The following PRKCH variants were observed in gnomAD, a reference collection of about 807,000 sequenced individuals.
PRKCH encodes the protein protein kinase C eta.
In PRKCH, 28 loss-of-function variants were observed where a neutral mutation model predicts 82.5. The ratio of observed to expected loss-of-function variants is 0.34; its 90% confidence interval spans 0.25 to 0.47. The LOEUF is 0.47. Among genes scored for constraint, PRKCH ranks in the 20% least tolerant of loss-of-function variants. The probability of loss-of-function intolerance (pLI) is 1.00; values close to 1 mark genes in which losing one functional copy is unlikely to be tolerated. For missense variants in PRKCH, 705 were observed against 881.8 expected, an observed-to-expected ratio of 0.80 and a Z score of 2.54; for synonymous variants, 322 against 327.4, an observed-to-expected ratio of 0.98 and a Z score of 0.18.
intron 1 of PRKCH, among the ~76,000 whole-genome samples, chr14:61,329,535 A>G (rs962028469): frequency 6.6e-6 from 1 of 152,156 alleles, no homozygotes; most frequent in Non-Finnish European, 1.5e-5. Flanking sequence ...GCACCCAGCC[A>G]AAGTCCAGAG....
At chr14:61,490,935 CA>C (rs905379479) in intron 10 of PRKCH, among the ~76,000 whole-genome samples, 2 of 150,584 alleles carry the variant, frequency 1.3e-5, no homozygotes, top group South Asian at 2.1e-4. Context: ...CAAAAACAAA[CA>C]AAAAAAAATG....
rs572925761 is a variant in PRKCH at position 61,332,968 on chromosome 14, A to G, written c.363+10504A>G. Among the ~76,000 whole-genome samples the G allele has an allele frequency of 3.9e-5, 6 of 152,322 alleles. No homozygotes were observed. In the South Asian group the frequency reaches 1.0e-3, roughly 26 times the overall value. ...GTTCTGGTAATGGTTCCGTTGGACA[A>G]TGGAAATTCTGCTCCCTTCTGAAAT... On this transcript the variant is annotated intron_variant, in intron 1 of 13. Coordinates refer to ENST00000332981, the MANE Select transcript of PRKCH (RefSeq NM_006255.5).
chr14:61,331,113 T>C (rs2045780399), intron 1 of PRKCH, among the ~76,000 whole-genome samples: 1 of 152,202 alleles, frequency 6.6e-6, no homozygotes, highest in African/African-American at 2.4e-5. Context: ...ATACATTTAA[T>C]ATGTATTAAT....
chr14:61,219,932 G>T (rs1341139245), intron 1 of PRKCH, among the ~76,000 whole-genome samples: 4 of 152,222 alleles, frequency 2.6e-5, no homozygotes, highest in Non-Finnish European at 5.9e-5. Context: ...GATGAATTTA[G>T]TATGTAAGAC....
rs182376309 is a variant in PRKCH at position 61,437,469 on chromosome 14, A to T, written c.428-5642A>T. On this transcript the variant is annotated intron_variant, in intron 2 of 13. Coordinates refer to ENST00000332981, the MANE Select transcript of PRKCH (RefSeq NM_006255.5). ...TCCCACGTGTACAAATGATAAAACA[A>T]ATTATCTCAGGAAGAAGAAAAAAGA... 1.4e-3 allele frequency among the ~76,000 whole-genome samples: 220 copies of T among 152,332 alleles called. 1 individual carries two copies. Among genetic ancestry groups the T allele is most frequent in the Middle Eastern group, 6.8e-3 (2 of 294 alleles).
At chr14:61,281,231 C>G (rs1050878163) in intron 1 of PRKCH, 3 of 866,396 alleles carry the variant, frequency 3.5e-6, no homozygotes, top group Non-Finnish European at 4.6e-6. Context: ...CGCGCAAGCC[C>G]GGGGACTGCT....
chr14:61,389,987 G>C (rs1465217944), intron 1 of PRKCH, among the ~76,000 whole-genome samples: 2 of 152,184 alleles, frequency 1.3e-5, no homozygotes, highest in Non-Finnish European at 1.5e-5. Flanking sequence ...GTCAAAGGCA[G>C]AAATGGAGCC....
intron 1 of PRKCH, chr14:61,304,428 C>A (rs2140106160): frequency 6.6e-6 from 1 of 152,246 alleles, no homozygotes; most frequent in East Asian, 1.9e-4. Context: ...TTTCCATCAC[C>A]ACCGCCCCCA....
intron 1 of PRKCH, among the ~76,000 whole-genome samples, chr14:61,314,714 T>C (rs752887283): frequency 1.6e-4 from 25 of 152,348 alleles, no homozygotes; most frequent in Non-Finnish European, 3.1e-4. Flanking sequence ...GCTCTCCCTG[T>C]CTCCTGGATC....
At position 61,322,179 on chromosome 14, in the gene PRKCH, C is replaced by G. The variant is rs2045635009; in HGVS notation, c.78C>G (p.Arg26=). 5 of 1,611,416 alleles carry G rather than the reference C, an allele frequency of 3.1e-6. No individual in the cohort carries two copies. The highest frequency in any genetic ancestry group is 4.2e-6 in the Non-Finnish European group (5 of 1,179,014). ...AGGCAGTGGGGCTGCAGCCCACCCG[C>G]TGGTCCCTGCGCCACTCGCTCTTCA... ...IGEAVGLQPT[R]WSLRHSLFKK... is the part of the protein sequence containing the mutation. Residue 26 remains arginine (R), a synonymous_variant, in exon 1 of 14, where the codon CGC becomes CGG. Transcript: ENST00000332981.
At chr14:61,317,138 T>C (rs1050860677), upstream of PRKCH, among the ~76,000 whole-genome samples, 1 of 152,230 alleles carries the variant, frequency 6.6e-6, no homozygotes, top group Non-Finnish European at 1.5e-5. Context: ...CTAAGGCCCA[T>C]GCTTTTGCCA....
At position 61,549,730 on chromosome 14, in the gene PRKCH, G is replaced by A; in HGVS notation, c.1951G>A (p.Glu651Lys). 1 of 1,613,706 alleles carries A rather than the reference G, an allele frequency of 6.2e-7. No individual in the cohort carries two copies. The highest frequency in any genetic ancestry group is 8.5e-7 in the Non-Finnish European group (1 of 1,179,952). The change falls in exon 14 of 14, where the codon GAA (glutamate) becomes AAA (lysine). Residue 651 changes from glutamate (E) to lysine (K), a missense_variant. Physicochemically the swap from Glu to Lys is moderately conservative, Grantham distance 56 (BLOSUM62 1). Transcript: ENST00000332981. ...VSNFDPDFIK[E>K]EPVLTPIDEG... ...TAATTTTGACCCTGACTTCATAAAG[G>A]AAGAGCCAGTTTTAACTCCAATTGA... is the stretch of plus-strand genomic sequence containing the variant.
At chr14:61,272,340 CTTTCTTT>C (rs531998989) in intron 1 of PRKCH, among the ~76,000 whole-genome samples, 57,355 of 96,308 alleles carry the variant, frequency 0.6, 19,315 homozygotes, top group Non-Finnish European at 0.65. Context: ...TTTCTTTTTT[CTTTCTTT>C]TTTTTTTTTT....
chr14:61,522,631 T>C (rs1383874856), intron 10 of PRKCH, among the ~76,000 whole-genome samples: 1 of 152,242 alleles, frequency 6.6e-6, no homozygotes, highest in East Asian at 1.9e-4. Flanking sequence ...CTTCCCCCAG[T>C]GCTAGGTCAG....
At chr14:61,442,399 C>G (rs945431576) in intron 2 of PRKCH, among the ~76,000 whole-genome samples, 1 of 152,138 alleles carries the variant, frequency 6.6e-6, no homozygotes, top group Admixed American at 6.5e-5. Context: ...GTGGGCGATT[C>G]CCTCATTTAG....
chr14:61,458,631 G>A (rs79882624), intron 9 of PRKCH, among the ~76,000 whole-genome samples: 4,343 of 152,246 alleles, frequency 0.029, 225 homozygotes, highest in East Asian at 0.26. Context: ...AATTTATGAA[G>A]AAAAAATGTT....
chr14:61,214,536 C>T (rs2044603913), intron 1 of PRKCH, among the ~76,000 whole-genome samples: 1 of 152,070 alleles, frequency 6.6e-6, no homozygotes, highest in Non-Finnish European at 1.5e-5. Context: ...GACTAGGTGA[C>T]TTAAACAACA....
rs60420757 is a variant in PRKCH at position 61,455,032 on chromosome 14, AT to A, written c.960+1694del. Among the ~76,000 whole-genome samples the A allele has an allele frequency of 8.7e-3, 1,233 of 142,174 alleles. 8 individuals carry two copies. The highest frequency in any genetic ancestry group is 0.013 in the Non-Finnish European group (825 of 64,486). 93.3% of individuals were successfully genotyped at this position (142,174 alleles called of 152,430 possible). A position where few individuals can be genotyped will look rare whatever the true frequency, so the allele number is the denominator to read the frequency against. On this transcript the variant is annotated intron_variant, in intron 7 of 13. Transcript: ENST00000332981. ...AGTAGATCAGGGACTTTCATTGACAATTTTTTTTTTTTTTTGAGACGGAGTC... is the reference window on the plus strand; with the variant it reads ...AGTAGATCAGGGACTTTCATTGACAATTTTTTTTTTTTTTGAGACGGAGTC...
At chr14:61,343,864 CTT>C (rs1453285876) in intron 1 of PRKCH, among the ~76,000 whole-genome samples, 3 of 152,196 alleles carry the variant, frequency 2.0e-5, no homozygotes, top group Non-Finnish European at 4.4e-5. Flanking sequence ...AGCCTGACTT[CTT>C]TGCCTTTTCC....
Sources: gnomAD v4.1 joint callset for allele counts (sites outside exome capture counted in the v4.1 genomes callset) on GRCh38, gnomAD v4.1.1 for gene constraint, MANE v1.5 for transcripts, NCBI Gene and HGNC (gene_info 2026-07-23, HGNC 2026-07-21) for gene names.